LMBR1: variants seen among roughly 807,000 people sequenced by gnomAD.
The protein encoded by LMBR1 is limb development membrane protein 1.
In LMBR1, 52 loss-of-function variants were observed where a neutral mutation model predicts 73.9. The observed-to-expected ratio is 0.70, with a 90% CI of 0.56 to 0.89. The LOEUF (loss-of-function observed/expected upper bound fraction) is 0.89, where lower values mean the gene tolerates loss of function less well. Ranked by LOEUF, LMBR1 falls within the 40% of genes least tolerant of loss-of-function variation. The pLI is 0.00. For missense variants in LMBR1, 539 were observed against 579.8 expected (o/e 0.93, Z 0.72); for synonymous variants, 215 against 209.4 (o/e 1.03, Z -0.23).
At chr7:156,676,709 T>G (rs1223471622), downstream of LMBR1, 1 of 1,321,102 alleles carries the variant, frequency 7.6e-7, no homozygotes. Flanking sequence ...TACCATCATT[T>G]TGGATGAACT....
intron 1 of LMBR1, among the ~76,000 whole-genome samples, chr7:156,872,785 A>G (rs902977482): frequency 6.6e-6 from 1 of 152,216 alleles, no homozygotes; most frequent in African/African-American, 2.4e-5. Context: ...GCAGGACTAG[A>G]TTGCAGCTCC....
intron 5 of LMBR1, among the ~76,000 whole-genome samples, chr7:156,772,235 C>T (rs965719860): frequency 7.9e-5 from 12 of 152,148 alleles, no homozygotes; most frequent in Non-Finnish European, 1.6e-4. Context: ...GATCGTACCA[C>T]TGCACTCCAG....
Position 156,893,089 on chromosome 7 carries a change from C to A in LMBR1, c.-96G>T. 1.6e-6 allele frequency: 2 copies of A among 1,245,328 alleles called. No individual in the cohort carries two copies. Among genetic ancestry groups the A allele is most frequent in the Non-Finnish European group, 2.0e-6 (2 of 976,668 alleles). The allele number at this position is 1,245,328 out of a possible 1,614,324, so 77.1% of individuals were successfully genotyped here. On this transcript the variant is annotated 5_prime_UTR_variant, in exon 1 of 17. Coordinates refer to ENST00000353442, the MANE Select transcript of LMBR1 (RefSeq NM_022458.4). Reference sequence around the variant, plus strand: ...GGGCTCGGACAGCCGCGCCGGGGACCGGAGCCGGCACGGGCCCGCGAGCCG... The same window carrying A: ...GGGCTCGGACAGCCGCGCCGGGGACAGGAGCCGGCACGGGCCCGCGAGCCG...
At chr7:156,714,143 C>A in intron 15 of LMBR1, among the ~76,000 whole-genome samples, 1 of 152,134 alleles carries the variant, frequency 6.6e-6, no homozygotes, top group East Asian at 1.9e-4. Flanking sequence ...AACCTCCCAC[C>A]GCATATGTGT....
intron 11 of LMBR1, among the ~76,000 whole-genome samples, chr7:156,728,327 G>A (rs1313987919): frequency 6.6e-6 from 1 of 152,200 alleles, no homozygotes; most frequent in Non-Finnish European, 1.5e-5. Context: ...ACTTCATAAT[G>A]TAATTTTCAT....
rs145354193 is a variant in LMBR1, at chr7:156,784,506, T to C, written c.423+11883A>G. Among the ~76,000 whole-genome samples the C allele has an allele frequency of 5.8e-4, 88 of 152,338 alleles. No individual in the cohort carries two copies. The East Asian group carries it at 0.015, about 27-fold the overall frequency. On this transcript the variant is annotated intron_variant, in intron 5 of 16. Transcript: ENST00000353442. The stretch of plus-strand genomic sequence containing the variant: ...CCAAAGCAAATGCTACACTGCCTGC[T>C]GACTGCAGCTCCCTTCTCAGCACCC...
chr7:156,733,781 A>G (rs1039270073), intron 10 of LMBR1: 1 of 153,752 alleles, frequency 6.5e-6, no homozygotes, highest in African/African-American at 2.4e-5. Context: ...AGCTCTAAGA[A>G]GCATGAAGAA....
intron 9 of LMBR1, among the ~76,000 whole-genome samples, chr7:156,741,311 T>C (rs1037306524): frequency 1.3e-5 from 2 of 152,106 alleles, no homozygotes; most frequent in African/African-American, 4.8e-5. Context: ...TTATCAATAA[T>C]AACACTGATC....
chr7:156,700,107 G>A (rs1263498257), intron 15 of LMBR1, among the ~76,000 whole-genome samples: 6 of 152,022 alleles, frequency 3.9e-5, no homozygotes, highest in East Asian at 1.9e-4. Flanking sequence ...TGTTTATTGC[G>A]GCACTATTCA....
chr7:156,849,148 T>C (rs1554551747), intron 1 of LMBR1, among the ~76,000 whole-genome samples: 1 of 152,096 alleles, frequency 6.6e-6, no homozygotes, highest in Non-Finnish European at 1.5e-5. Flanking sequence ...AAATGTGGTA[T>C]GTACATACCA....
rs1166595321 is a variant in LMBR1, at chr7:156,684,145, A to T, written c.1406T>A (p.Leu469Ter). Residue 469 changes from leucine to a stop codon, truncating the protein, a stop_gained, in exon 17 of 17, where the codon TTA becomes TAA. Coordinates refer to ENST00000353442, the MANE Select transcript of LMBR1 (RefSeq NM_022458.4). LOFTEE classifies it high-confidence loss of function. ...FKALGLHKLH[L>*]PNTSRDSETA... is the part of the protein sequence containing the mutation. ...TTCTGAATCCCTTGAAGTATTTGGT[A>T]AGTGAAGTTTATGAAGCCCTGCAAA... The T allele has an allele frequency of 1.2e-6, 2 of 1,613,812 alleles. No homozygotes were observed. Among genetic ancestry groups the T allele is most frequent in the Non-Finnish European group, 1.7e-6 (2 of 1,179,842 alleles).
chr7:156,840,942 G>GC (rs980055955), intron 1 of LMBR1, among the ~76,000 whole-genome samples: 1 of 145,746 alleles, frequency 6.9e-6, no homozygotes, highest in Non-Finnish European at 1.5e-5. Flanking sequence ...TCCAGCCTGG[G>GC]CGACTGAGCA....
At chr7:156,853,215 G>T (rs140582902) in intron 1 of LMBR1, among the ~76,000 whole-genome samples, 182 of 152,198 alleles carry the variant, frequency 1.2e-3, no homozygotes, top group African/African-American at 4.2e-3. Context: ...TGGAATTACA[G>T]GCGTGAGCCA....
chr7:156,788,590 C>T (rs1321319210), intron 5 of LMBR1, among the ~76,000 whole-genome samples: 2 of 151,638 alleles, frequency 1.3e-5, no homozygotes, highest in Non-Finnish European at 2.9e-5. Context: ...TCACCAAACC[C>T]CACATTCACA....
At chr7:156,888,409 C>CAAAAAAAAAAAAA (rs57071729) in intron 1 of LMBR1, among the ~76,000 whole-genome samples, 2 of 91,960 alleles carry the variant, frequency 2.2e-5, no homozygotes, top group Non-Finnish European at 2.3e-5. Flanking sequence ...GACTCTGTCT[C>CAAAAAAAAAAAAA]AAAAAAAAAA....
intron 15 of LMBR1, among the ~76,000 whole-genome samples, chr7:156,703,947 G>A (rs1414092605): frequency 6.6e-6 from 1 of 152,160 alleles, no homozygotes; most frequent in Non-Finnish European, 1.5e-5. Context: ...CTGACCTAGA[G>A]GTCAACATGC....
chr7:156,686,234 G>A (rs1346197792), intron 16 of LMBR1, among the ~76,000 whole-genome samples: 1 of 152,144 alleles, frequency 6.6e-6, no homozygotes, highest in Admixed American at 6.5e-5. Context: ...GTTCTGATGT[G>A]TCTCTTCTGC....
At chr7:156,702,198 A>G (rs553683234) in intron 15 of LMBR1, among the ~76,000 whole-genome samples, 6 of 152,342 alleles carry the variant, frequency 3.9e-5, no homozygotes, top group African/African-American at 1.4e-4. Flanking sequence ...GGGAATCGCC[A>G]CACTGTCTTC....
chr7:156,851,408 C>T (rs985209767), intron 1 of LMBR1, among the ~76,000 whole-genome samples: 1 of 152,186 alleles, frequency 6.6e-6, no homozygotes, highest in Non-Finnish European at 1.5e-5. Flanking sequence ...AGACCCTTAG[C>T]AAGGGGTAAA....
Sources: allele counts gnomAD v4.1 joint callset (sites outside exome capture counted in the v4.1 genomes callset), GRCh38; gene constraint gnomAD v4.1.1; transcripts MANE v1.5; gene names NCBI Gene and HGNC (gene_info 2026-07-23, HGNC 2026-07-21).